NAALADL2: variants seen among roughly 807,000 people sequenced by gnomAD.
NAALADL2 encodes inactive N-acetylated-alpha-linked acidic dipeptidase-like protein 2.
NAALADL2 carries 76 observed loss-of-function variants against 87.2 expected under a neutral mutation model. That is an observed-to-expected ratio of 0.87 (90% CI 0.72 to 1.05). NAALADL2 has a LOEUF of 1.05. Ranked by LOEUF, NAALADL2 falls within the 50% of genes least tolerant of loss-of-function variation. The pLI is 0.00. For missense variants in NAALADL2, 1,089 were observed against 945.8 expected, an observed-to-expected ratio of 1.15 and a Z score of -1.99; for synonymous variants, 354 against 331.0, an observed-to-expected ratio of 1.07 and a Z score of -0.75.
chr3:175,643,465 T>C (rs967909926), intron 11 of NAALADL2, among the ~76,000 whole-genome samples: 2 of 152,184 alleles, frequency 1.3e-5, no homozygotes, highest in South Asian at 2.1e-4. Flanking sequence ...AAGACTAGAA[T>C]AGCCTGTTGA....
At chr3:175,101,131 C>G (rs746241442) in intron 2 of NAALADL2, among the ~76,000 whole-genome samples, 1 of 152,274 alleles carries the variant, frequency 6.6e-6, no homozygotes, top group Non-Finnish European at 1.5e-5. Flanking sequence ...GAGAATTCAT[C>G]CTGAGTAAAC....
At chr3:175,215,800 T>A (rs917403188) in intron 2 of NAALADL2, among the ~76,000 whole-genome samples, 1 of 152,198 alleles carries the variant, frequency 6.6e-6, no homozygotes, top group East Asian at 1.9e-4. Context: ...ATTCAGGACC[T>A]GCTTTTTTAA....
intron 11 of NAALADL2, among the ~76,000 whole-genome samples, chr3:175,687,962 T>C (rs549059784): frequency 6.6e-6 from 1 of 152,212 alleles, no homozygotes; most frequent in African/African-American, 2.4e-5. Flanking sequence ...CCCTGCAGAA[T>C]TGTGAGCCAA....
intron 2 of NAALADL2, among the ~76,000 whole-genome samples, chr3:174,607,775 A>T (rs910754549): frequency 2.2e-4 from 33 of 152,268 alleles, no homozygotes; most frequent in Middle Eastern, 3.4e-3. Flanking sequence ...AAAGTTAACA[A>T]GGATACCCAG....
chr3:175,352,834 G>A (rs1479666189), intron 5 of NAALADL2, among the ~76,000 whole-genome samples: 1 of 152,136 alleles, frequency 6.6e-6, no homozygotes, highest in Admixed American at 6.6e-5. Context: ...GTGGGTGTGG[G>A]TGTGTGGGTG....
At chr3:174,445,092 G>C (rs1419829927) in intron 1 of NAALADL2, among the ~76,000 whole-genome samples, 1 of 149,662 alleles carries the variant, frequency 6.7e-6, no homozygotes. Flanking sequence ...GTAAAGTCTT[G>C]GCAGGGGATG....
Position 175,722,803 on chromosome 3 carries a change from A to G in NAALADL2, c.1897-14503A>G, listed in dbSNP as rs115926183. Among the ~76,000 whole-genome samples the G allele has an allele frequency of 4.3e-3, 659 of 152,278 alleles. 2 individuals carry two copies. Among genetic ancestry groups the G allele is most frequent in the Non-Finnish European group, 7.3e-3 (496 of 68,008 alleles). Reference sequence around the variant, plus strand: ...GGCACATAGTAGATTTTCAGTTAATACTTGTTCCTTTCCTTTGCCTGCCTT... The same window carrying G: ...GGCACATAGTAGATTTTCAGTTAATGCTTGTTCCTTTCCTTTGCCTGCCTT... On this transcript the variant is annotated intron_variant, in intron 11 of 13. Transcript: ENST00000454872.
intron 4 of NAALADL2, among the ~76,000 whole-genome samples, chr3:175,322,283 A>C (rs1296003044): frequency 0.032 from 4,583 of 144,892 alleles, 260 homozygotes; most frequent in African/African-American, 0.12. Context: ...CTGGCTAGCC[A>C]TATGTAGAAA....
At chr3:174,621,337 A>G (rs952461774) in intron 2 of NAALADL2, among the ~76,000 whole-genome samples, 8 of 152,152 alleles carry the variant, frequency 5.3e-5, no homozygotes, top group Admixed American at 1.3e-4. Context: ...AAAACGAATC[A>G]ATGAAAAATA....
At chr3:175,209,888 T>TA (rs144257716) in intron 2 of NAALADL2, among the ~76,000 whole-genome samples, 14,154 of 151,588 alleles carry the variant, frequency 0.093, 835 homozygotes, top group East Asian at 0.2. Context: ...TTAAAAAAAT[T>TA]AAAAATAAAT....
intron 4 of NAALADL2, among the ~76,000 whole-genome samples, chr3:175,322,185 A>G (rs1452206267): frequency 6.6e-6 from 1 of 151,258 alleles, no homozygotes; most frequent in Non-Finnish European, 1.5e-5. Flanking sequence ...ATAATGCCGC[A>G]TACCTACAAC....
chr3:174,638,478 G>A (rs1447196939), intron 2 of NAALADL2, among the ~76,000 whole-genome samples: 2 of 152,078 alleles, frequency 1.3e-5, no homozygotes, highest in African/African-American at 4.8e-5. Context: ...GGTGAAGCTG[G>A]AAATGTCAGT....
At chr3:174,933,352 A>T (rs1326630265) in intron 1 of NAALADL2, among the ~76,000 whole-genome samples, 1 of 151,854 alleles carries the variant, frequency 6.6e-6, no homozygotes, top group Non-Finnish European at 1.5e-5. Context: ...ACTTCGAGCT[A>T]CTCTGTGTTT....
At chr3:175,715,725 A>T (rs1161817463) in intron 11 of NAALADL2, among the ~76,000 whole-genome samples, 1 of 151,928 alleles carries the variant, frequency 6.6e-6, no homozygotes, top group East Asian at 1.9e-4. Context: ...AAAATACAAA[A>T]ATTAGCCAGG....
chr3:174,888,378 G>A (rs1463521792), intron 1 of NAALADL2, among the ~76,000 whole-genome samples: 1 of 152,138 alleles, frequency 6.6e-6, no homozygotes, highest in African/African-American at 2.4e-5. Flanking sequence ...ATATAAGACA[G>A]GAAATGCTCA....
At chr3:175,296,905 A>G (rs1485393955) in intron 4 of NAALADL2, among the ~76,000 whole-genome samples, 3 of 152,126 alleles carry the variant, frequency 2.0e-5, no homozygotes, top group Non-Finnish European at 4.4e-5. Flanking sequence ...GAGGCAATGG[A>G]AGAGCAGCAG....
rs371890828 is a variant in NAALADL2, at chr3:174,880,807, CAT to C, written c.43+21359_43+21360del. Among the ~76,000 whole-genome samples the C allele has an allele frequency of 2.1e-3, 325 of 152,254 alleles. 1 individual carries two copies. Among genetic ancestry groups the C allele is most frequent in the African/African-American group, 6.8e-3 (283 of 41,548 alleles). ...TTAAAACAATAGATGCTTATTTTCT[CAT>C]AATTCTGAAGGGCAGAAATCTGAAA... is the stretch of plus-strand genomic sequence containing the variant. On this transcript the variant is annotated intron_variant, in intron 1 of 13. Coordinates refer to ENST00000454872, the MANE Select transcript of NAALADL2 (RefSeq NM_207015.3).
chr3:175,468,118 T>C (rs1724359254), intron 8 of NAALADL2, among the ~76,000 whole-genome samples: 1 of 151,984 alleles, frequency 6.6e-6, no homozygotes, highest in Non-Finnish European at 1.5e-5. Context: ...AAATATCTAT[T>C]AAATCAAAGA....
intron 2 of NAALADL2, among the ~76,000 whole-genome samples, chr3:174,561,041 A>G (rs1164851362): frequency 6.6e-6 from 1 of 152,192 alleles, no homozygotes; most frequent in African/African-American, 2.4e-5. Context: ...CAACTATAGC[A>G]GGGTCTTGTA....
Sources: allele counts gnomAD v4.1 joint callset (sites outside exome capture counted in the v4.1 genomes callset), GRCh38; gene constraint gnomAD v4.1.1; transcripts MANE v1.5; gene names NCBI Gene and HGNC (gene_info 2026-07-23, HGNC 2026-07-21).